RRAS2: variants seen among roughly 807,000 people sequenced by gnomAD.
RRAS2 encodes RAS related 2, also known as ras-related protein R-Ras2.
A neutral mutation model predicts 27.6 loss-of-function variants in RRAS2; 7 were observed. The ratio of observed to expected loss-of-function variants is 0.25; its 90% CI spans 0.14 to 0.48. The LOEUF (loss-of-function observed/expected upper bound fraction) is 0.48. Among genes scored for constraint, RRAS2 ranks in the 20% least tolerant of loss-of-function variants. RRAS2 has a pLI of 0.99. For synonymous variants in RRAS2, 86 were observed against 90.9 expected (o/e 0.95, Z 0.31); for missense variants, 178 against 256.2 (o/e 0.69, Z 2.08).
At chr11:14,321,034 G>A (rs943143568) in intron 1 of RRAS2, among the ~76,000 whole-genome samples, 25 of 152,054 alleles carry the variant, frequency 1.6e-4, no homozygotes, top group African/African-American at 6.0e-4. Flanking sequence ...ACAACAATTA[G>A]CTGGGTGTGG....
At chr11:14,315,421 T>G (rs1848077580) in intron 1 of RRAS2, among the ~76,000 whole-genome samples, 1 of 152,160 alleles carries the variant, frequency 6.6e-6, no homozygotes, top group Non-Finnish European at 1.5e-5. Flanking sequence ...AAATACTTAA[T>G]GAGTACTCTT....
chr11:14,312,894 G>A (rs782305684), intron 1 of RRAS2, among the ~76,000 whole-genome samples: 2 of 152,154 alleles, frequency 1.3e-5, no homozygotes, highest in Non-Finnish European at 2.9e-5. Context: ...AGCAGCAAAT[G>A]TTCTCAACCA....
At chr11:14,356,004 G>A (rs1849065116) in intron 1 of RRAS2, among the ~76,000 whole-genome samples, 1 of 152,168 alleles carries the variant, frequency 6.6e-6, no homozygotes, top group South Asian at 2.1e-4. Context: ...CTTTACTACA[G>A]ACTGTACTAG....
At chr11:14,322,775 C>A (rs1848255692) in intron 1 of RRAS2, among the ~76,000 whole-genome samples, 1 of 152,054 alleles carries the variant, frequency 6.6e-6, no homozygotes, top group Non-Finnish European at 1.5e-5. Context: ...CATCAAGATT[C>A]CGGATTAAAT....
At chr11:14,304,019 G>A (rs1183198570) in intron 1 of RRAS2, among the ~76,000 whole-genome samples, 1 of 152,178 alleles carries the variant, frequency 6.6e-6, no homozygotes, top group South Asian at 2.1e-4. Context: ...GCCGAGCACA[G>A]TGTCCCTTTC....
At position 14,334,289 on chromosome 11, in the gene RRAS2, G is replaced by GT. The variant is rs539039434; in HGVS notation, c.108+24473dup. Among the ~76,000 whole-genome samples, 568 of 150,656 alleles carry GT rather than the reference G, an allele frequency of 3.8e-3. 9 individuals carry two copies. The East Asian group carries it at 0.041, about 11-fold the overall frequency. ...TCGTTTATTGTTTTACTTTGTCCTG[G>GT]TTTTTTTTTCCTATTCAGTGAGGGC... On this transcript the variant is annotated intron_variant, in intron 1 of 5. Coordinates refer to ENST00000256196, the MANE Select transcript of RRAS2 (RefSeq NM_012250.6).
intron 1 of RRAS2, among the ~76,000 whole-genome samples, chr11:14,354,672 C>CT (rs35556947): frequency 0.81 from 89,768 of 110,436 alleles, 37,364 homozygotes; most frequent in South Asian, 0.9. Context: ...GTAACAATTT[C>CT]TTTTTTTTTT....
At chr11:14,356,525 C>G (rs988693170) in intron 1 of RRAS2, among the ~76,000 whole-genome samples, 2 of 152,144 alleles carry the variant, frequency 1.3e-5, no homozygotes, top group Non-Finnish European at 2.9e-5. Context: ...TGTAATCAGA[C>G]CCATTTTACT....
intron 1 of RRAS2, among the ~76,000 whole-genome samples, chr11:14,339,110 C>T (rs1848645052): frequency 6.6e-6 from 1 of 151,834 alleles, no homozygotes; most frequent in Non-Finnish European, 1.5e-5. Context: ...TAAGGAAGTC[C>T]CATCTGCTTT....
chr11:14,295,711 G>A (rs377615830), intron 2 of RRAS2, 57 bp downstream of exon 2: 392 of 1,300,132 alleles, frequency 3.0e-4, no homozygotes, highest in Non-Finnish European at 3.7e-4. Context: ...AAACATCAGC[G>A]CTTACTTTTT....
intron 4 of RRAS2, among the ~76,000 whole-genome samples, chr11:14,289,122 T>C (rs1274675632): frequency 2.0e-5 from 3 of 152,118 alleles, no homozygotes; most frequent in Non-Finnish European, 4.4e-5. Context: ...CCTCTACTAT[T>C]TGAGGAGGGG....
Position 14,330,028 on chromosome 11 carries a change from T to C in RRAS2, c.108+28735A>G, listed in dbSNP as rs1374010367. Among the ~76,000 whole-genome samples, 4 of 152,204 alleles carry C rather than the reference T, an allele frequency of 2.6e-5. No individual in the cohort carries two copies. In the East Asian group the frequency reaches 7.7e-4, roughly 29 times the overall value. The stretch of plus-strand genomic sequence containing the variant: ...AGTTCGAGCCTATAGTAAGCTATGA[T>C]TGTGCCACTGCACCCCAGGCTGGGC... On this transcript the variant is annotated intron_variant, in intron 1 of 5. Transcript: ENST00000256196.
chr11:14,360,195 T>TAA (rs71041599), upstream of RRAS2, among the ~76,000 whole-genome samples: 6 of 139,590 alleles, frequency 4.3e-5, no homozygotes, highest in African/African-American at 1.3e-4. Flanking sequence ...ACATGCCATT[T>TAA]AAAAAAAAAA....
intron 5 of RRAS2, among the ~76,000 whole-genome samples, chr11:14,280,556 T>C (rs1197656139): frequency 3.3e-5 from 5 of 151,464 alleles, no homozygotes; most frequent in East Asian, 1.9e-4. Context: ...TGAAACCCCA[T>C]CTCTACTAAA....
chr11:14,287,211 C>T (rs1157638729), intron 4 of RRAS2, among the ~76,000 whole-genome samples: 1 of 152,186 alleles, frequency 6.6e-6, no homozygotes, highest in African/African-American at 2.4e-5. Flanking sequence ...CTTATTCTTT[C>T]ACCACGTCAT....
intron 1 of RRAS2, among the ~76,000 whole-genome samples, chr11:14,315,113 A>G (rs1848067961): frequency 6.6e-6 from 1 of 152,242 alleles, no homozygotes; most frequent in Non-Finnish European, 1.5e-5. Flanking sequence ...TCAAAATTAG[A>G]CAGCATCCTC....
At chr11:14,281,958 A>G (rs1849550266) in intron 4 of RRAS2, among the ~76,000 whole-genome samples, 1 of 152,254 alleles carries the variant, frequency 6.6e-6, no homozygotes, top group Non-Finnish European at 1.5e-5. Flanking sequence ...TACAGATCAC[A>G]CAAAAAGTAT....
chr11:14,282,637 A>G (rs782143047), intron 4 of RRAS2, among the ~76,000 whole-genome samples: 2 of 143,498 alleles, frequency 1.4e-5, no homozygotes, highest in Non-Finnish European at 3.0e-5. Context: ...CTGATGAAAA[A>G]TTAGAAAAGC....
In RRAS2 at chr11:14,353,097, C is replaced by A. The variant is rs145828577; in HGVS notation, c.108+5666G>T. Among the ~76,000 whole-genome samples the A allele has an allele frequency of 2.6e-5, 4 of 152,244 alleles. No homozygotes were observed. In the East Asian group the frequency reaches 7.7e-4, roughly 29 times the overall value. ...TACAGGCATGAGCCACCGTGCCCAG[C>A]TAAAATTTTTTTTAATAGCTTTAAG... is the stretch of plus-strand genomic sequence containing the variant. On this transcript the variant is annotated intron_variant, in intron 1 of 5. Transcript: ENST00000256196.
Sources: allele counts gnomAD v4.1 joint callset (sites outside exome capture counted in the v4.1 genomes callset), GRCh38; gene constraint gnomAD v4.1.1; transcripts MANE v1.5; gene names NCBI Gene and HGNC (gene_info 2026-07-23, HGNC 2026-07-21).